The following UBTD2 variants were observed in gnomAD, a reference collection of about 807,000 sequenced individuals.
UBTD2 encodes ubiquitin domain-containing protein 2.
A neutral mutation model predicts 19.8 loss-of-function variants in UBTD2; 9 were observed. The ratio of observed to expected loss-of-function variants is 0.46; its 90% CI spans 0.27 to 0.79. The LOEUF (loss-of-function observed/expected upper bound fraction) is 0.79. UBTD2 is among the 30% of genes least tolerant of loss of function. The pLI is 0.14. For synonymous variants in UBTD2, 98 were observed against 103.9 expected (o/e 0.94, Z 0.35); for missense variants, 250 against 300.4 (o/e 0.83, Z 1.24).
chr5:172,229,500 CAAAAAAAAAAAAAA>C (rs5873303), intron 2 of UBTD2, among the ~76,000 whole-genome samples: 18 of 57,218 alleles, frequency 3.1e-4, no homozygotes, highest in African/African-American at 1.1e-3. Flanking sequence ...GACTCCGTCT[CAAAAAAAAAAAAAA>C]AAAAAAAAAA....
chr5:172,215,935 G>C (rs202154660), intron 2 of UBTD2, among the ~76,000 whole-genome samples: 1 of 152,070 alleles, frequency 6.6e-6, no homozygotes, highest in Admixed American at 6.6e-5. Flanking sequence ...AGGTTGAGGC[G>C]GGGGTATCAC....
chr5:172,250,152 G>A (rs1398030842), intron 1 of UBTD2, among the ~76,000 whole-genome samples: 2 of 152,118 alleles, frequency 1.3e-5, no homozygotes, highest in Admixed American at 6.6e-5. Context: ...GAACCTGGTA[G>A]GCGGAGGTTG....
chr5:172,211,934 G>A lies in UBTD2; in HGVS notation c.601C>T (p.Leu201Phe), dbSNP rs200289367. The A allele has an allele frequency of 1.4e-5, 22 of 1,614,048 alleles. No individual in the cohort carries two copies. Among genetic ancestry groups the A allele is most frequent in the Middle Eastern group, 1.6e-4 (1 of 6,084 alleles). Residue 201 changes from leucine to phenylalanine, a missense_variant, in exon 3 of 3, where the codon CTC becomes TTC. By Grantham distance (22) the Leu-to-Phe change is conservative (BLOSUM62 0). Coordinates refer to ENST00000393792, the MANE Select transcript of UBTD2 (RefSeq NM_152277.3). ...SQRWFFSGRP[L>F]TDKMKFEELK... ...TCTTCGAACTTCATTTTGTCAGTGAGAGGTCTGCCAGAAAAAAACCACCGC... is the reference window on the plus strand; with the variant it reads ...TCTTCGAACTTCATTTTGTCAGTGAAAGGTCTGCCAGAAAAAAACCACCGC...
In UBTD2 at chr5:172,226,780, A is replaced by G. The variant is rs181437924; in HGVS notation, c.307+7342T>C. 8.4e-4 allele frequency among the ~76,000 whole-genome samples: 128 copies of G among 152,318 alleles called. 2 individuals are homozygous for G. The highest frequency in any genetic ancestry group is 1.2e-4 in the Non-Finnish European group (8 of 68,028). Reference sequence around the variant, plus strand: ...CACTTTGCTAGGAATTATATATATCAAGTTTATATTTGGCAATCAGGCTTT... The same window carrying G: ...CACTTTGCTAGGAATTATATATATCGAGTTTATATTTGGCAATCAGGCTTT... On this transcript the variant is annotated intron_variant, in intron 2 of 2. Coordinates refer to ENST00000393792, the MANE Select transcript of UBTD2 (RefSeq NM_152277.3).
rs1293067709 is a variant in UBTD2 at position 172,234,155 on chromosome 5, T to C, written c.274A>G (p.Ile92Val). Reference sequence around the variant, plus strand: ...AATGTTATGTTTGCACCATCAATGATTGCTTGTGCCAGTTCATGATCATTG... The same window carrying C: ...AATGTTATGTTTGCACCATCAATGACTGCTTGTGCCAGTTCATGATCATTG... ...ESNDHELAQA[I>V]IDGANITLPH... is the part of the protein sequence containing the mutation. Residue 92 changes from isoleucine (I) to valine (V), a missense_variant, in exon 2 of 3, where the codon ATC (isoleucine) becomes GTC (valine). By Grantham distance (29) the Ile-to-Val change is conservative. Coordinates refer to ENST00000393792, the MANE Select transcript of UBTD2 (RefSeq NM_152277.3). 1.9e-5 allele frequency: 31 copies of C among 1,614,218 alleles called. No individual in the cohort carries two copies. Among genetic ancestry groups the C allele is most frequent in the Non-Finnish European group, 2.5e-5 (30 of 1,180,034 alleles).
At position 172,211,695 on chromosome 5, in the gene UBTD2, G is replaced by T; in HGVS notation, c.*135C>A. 1.0e-6 allele frequency: 1 copy of T among 956,008 alleles called. No homozygotes were observed. 59.2% of individuals were successfully genotyped at this position (956,008 alleles called of 1,614,324 possible). ...CCATCACAGATGGAATTTTTCACTG[G>T]TAATTCCTCAGAACTAAATCCATTC... On this transcript the variant is annotated 3_prime_UTR_variant, in exon 3 of 3. Transcript: ENST00000393792.
At chr5:172,277,667 T>C (rs1327875796) in intron 1 of UBTD2, among the ~76,000 whole-genome samples, 1 of 151,586 alleles carries the variant, frequency 6.6e-6, no homozygotes, top group South Asian at 2.1e-4. Flanking sequence ...GATTACGCCA[T>C]TGCACTCCAT....
intron 1 of UBTD2, among the ~76,000 whole-genome samples, chr5:172,275,281 C>G (rs1277780378): frequency 6.6e-6 from 1 of 152,042 alleles, no homozygotes; most frequent in Non-Finnish European, 1.5e-5. Context: ...GTAACCGCCC[C>G]CATGATTCAA....
chr5:172,243,473 A>T (rs906222910), intron 1 of UBTD2, among the ~76,000 whole-genome samples: 2 of 151,988 alleles, frequency 1.3e-5, no homozygotes, highest in Admixed American at 1.3e-4. Context: ...TATGTAAAAC[A>T]GGAAGATGGA....
intron 1 of UBTD2, among the ~76,000 whole-genome samples, chr5:172,266,292 G>A (rs185278740): frequency 1.6e-3 from 251 of 152,306 alleles, no homozygotes; most frequent in Non-Finnish European, 2.8e-3. Flanking sequence ...AAGATGGGAA[G>A]AAGCTGTGTG....
chr5:172,219,967 A>C (rs1241094414), intron 2 of UBTD2, among the ~76,000 whole-genome samples: 1 of 152,236 alleles, frequency 6.6e-6, no homozygotes, highest in East Asian at 1.9e-4. Context: ...ATAAGGGGGT[A>C]CCACTGTACT....
chr5:172,228,589 T>C (rs1217135444), intron 2 of UBTD2, among the ~76,000 whole-genome samples: 1 of 152,004 alleles, frequency 6.6e-6, no homozygotes. Flanking sequence ...GGCGTGGTGC[T>C]GCACGCCTGT....
chr5:172,254,915 C>T, intron 1 of UBTD2: 1 of 453,734 alleles, frequency 2.2e-6, no homozygotes, highest in South Asian at 2.3e-5. Flanking sequence ...AGACCTCTTC[C>T]TCCTCCTCCT....
At chr5:172,282,759 C>A (rs1011452955) in intron 1 of UBTD2, among the ~76,000 whole-genome samples, 2 of 152,166 alleles carry the variant, frequency 1.3e-5, no homozygotes, top group African/African-American at 2.4e-5. Flanking sequence ...ACAACTACTA[C>A]TGATTGAATT....
At chr5:172,275,492 C>T (rs1369090106) in intron 1 of UBTD2, among the ~76,000 whole-genome samples, 1 of 152,160 alleles carries the variant, frequency 6.6e-6, no homozygotes, top group Non-Finnish European at 1.5e-5. Context: ...ACCTGCTTCC[C>T]TCTTTCCCAA....
chr5:172,259,570 G>A (rs1755225451), intron 1 of UBTD2, among the ~76,000 whole-genome samples: 1 of 152,062 alleles, frequency 6.6e-6, no homozygotes, highest in South Asian at 2.1e-4. Flanking sequence ...TATATATGTT[G>A]TATGTGTATA....
intron 1 of UBTD2, among the ~76,000 whole-genome samples, chr5:172,282,076 C>T (rs1755729038): frequency 6.6e-6 from 1 of 152,090 alleles, no homozygotes; most frequent in South Asian, 2.1e-4. Flanking sequence ...GAGCAAAATG[C>T]TTATGACAAT....
chr5:172,283,356 C>A lies in UBTD2; in HGVS notation c.70+240G>T, dbSNP rs1581239111. Among the ~76,000 whole-genome samples, 1 of 152,154 alleles carries A rather than the reference C, an allele frequency of 6.6e-6. No homozygotes were observed. Among genetic ancestry groups the A allele is most frequent in the African/African-American group, 2.4e-5 (1 of 41,438 alleles). ...TCCGACTTCCCCGAGCCGAGCGGGG[C>A]GGTCGGCGAGGCCAAGGGCTACGTC... On this transcript the variant is annotated intron_variant, in intron 1 of 2. Transcript: ENST00000393792. The surrounding 1 kb of genome is among the most constrained non-coding windows in gnomAD (Gnocchi z 4.3).
intron 2 of UBTD2, among the ~76,000 whole-genome samples, chr5:172,226,887 CTT>C (rs995604935): frequency 6.6e-6 from 1 of 152,214 alleles, no homozygotes; most frequent in African/African-American, 2.4e-5. Flanking sequence ...TCTATCATCT[CTT>C]TTAGTAAACA....
Sources: allele counts gnomAD v4.1 joint callset (sites outside exome capture counted in the v4.1 genomes callset), GRCh38; gene constraint gnomAD v4.1.1; non-coding constraint Gnocchi (gnomAD v3.1); transcripts MANE v1.5; gene names NCBI Gene and HGNC (gene_info 2026-07-23, HGNC 2026-07-21).